Variants in RAD54B observed in about 807,000 individuals in gnomAD.
RAD54B encodes the protein RAD54 homolog B.
Under a neutral mutation model 95.8 loss-of-function variants are expected in RAD54B, and 78 were observed. The observed-to-expected ratio is 0.81, with a 90% CI of 0.68 to 0.98. The LOEUF is 0.98. Among genes scored for constraint, RAD54B ranks in the 50% least tolerant of loss-of-function variants. The pLI is 0.00. For missense variants in RAD54B, 957 were observed against 1,056.6 expected, an observed-to-expected ratio of 0.91 and a Z score of 1.31; for synonymous variants, 328 against 354.9, an observed-to-expected ratio of 0.92 and a Z score of 0.85.
intron 2 of RAD54B, among the ~76,000 whole-genome samples, chr8:94,466,654 G>A (rs925262876): frequency 1.3e-5 from 2 of 152,074 alleles, no homozygotes; most frequent in East Asian, 1.9e-4. Context: ...TGATCTGCCC[G>A]TCTCGGCCTC....
rs150699057 is a variant in RAD54B, at chr8:94,462,183, C to T, written c.136-3747G>A. Among the ~76,000 whole-genome samples, 451 of 152,288 alleles carry T rather than the reference C, an allele frequency of 3.0e-3. 1 individual carries two copies. The highest frequency in any genetic ancestry group is 7.5e-3 in the South Asian group (36 of 4,820). On this transcript the variant is annotated intron_variant, in intron 2 of 14. Transcript: ENST00000336148. ...TACAACAGTTCATCATATTAGGAGG[C>T]ACATAATATCGGTTTGTTCCATTAC... is the stretch of plus-strand genomic sequence containing the variant.
At chr8:94,399,740 T>G in intron 7 of RAD54B, 119 bp from the exon 8 acceptor site, 3 of 1,323,542 alleles carry the variant, frequency 2.3e-6, no homozygotes, top group Non-Finnish European at 3.0e-6. Context: ...TCTTTCTGTC[T>G]TAGTCAACTG....
At chr8:94,447,005 T>C (rs1159971883) in intron 3 of RAD54B, among the ~76,000 whole-genome samples, 1 of 150,932 alleles carries the variant, frequency 6.6e-6, no homozygotes, top group African/African-American at 2.4e-5. Context: ...CACATAAAAA[T>C]AGGGCAAAAA....
chr8:94,395,296 GGGAATAAT>G (rs1417412315), intron 8 of RAD54B, among the ~76,000 whole-genome samples: 2 of 152,108 alleles, frequency 1.3e-5, no homozygotes, highest in African/African-American at 4.8e-5. Flanking sequence ...TCAGGAGAAA[GGGAATAAT>G]GGAATCAGAA....
At chr8:94,430,163 A>G (rs1812052331) in intron 3 of RAD54B, 1 of 630,632 alleles carries the variant, frequency 1.6e-6, no homozygotes, top group Non-Finnish European at 2.0e-6. Context: ...AACACAAAAA[A>G]TTAGCCAGGC....
rs1812118847 is a variant in RAD54B at position 94,432,258 on chromosome 8, T to C, written c.305-20943A>G. 1.9e-6 allele frequency: 3 copies of C among 1,550,320 alleles called. No homozygotes were observed. In the South Asian group the frequency reaches 3.6e-5, roughly 18 times the overall value. On this transcript the variant is annotated intron_variant, in intron 3 of 14. Transcript: ENST00000336148. ...TCTTTTCAATCCATCCCTCTTCTCC[T>C]GAACATACAATCCAAAATTTTTTTG...
intron 3 of RAD54B, among the ~76,000 whole-genome samples, chr8:94,422,617 A>AAAAAAAAAAAAAAAAAAAAAAAAT (rs1554606249): frequency 2.3e-5 from 1 of 43,572 alleles, no homozygotes; most frequent in African/African-American, 1.0e-4. Flanking sequence ...AAAAAAAAAA[A>AAAAAAAAAAAAAAAAAAAAAAAAT]ATATATATAT....
intron 10 of RAD54B, among the ~76,000 whole-genome samples, chr8:94,391,002 ATGTTGGCACT>A: frequency 6.6e-6 from 1 of 152,292 alleles, no homozygotes; most frequent in South Asian, 2.1e-4. Context: ...CTGTGATGTC[ATGTTGGCACT>A]CAAAAAGTTT....
intron 3 of RAD54B, among the ~76,000 whole-genome samples, chr8:94,437,133 G>A (rs531413607): frequency 6.6e-6 from 1 of 152,286 alleles, no homozygotes; most frequent in South Asian, 2.1e-4. Flanking sequence ...TGTATAAAGG[G>A]AACAGCTCGA....
chr8:94,467,655 C>G, intron 1 of RAD54B, 100 bp from the exon 2 acceptor site: 2 of 1,208,688 alleles, frequency 1.7e-6, no homozygotes, highest in Non-Finnish European at 1.1e-6. Flanking sequence ...GAACAGAAAC[C>G]CCTCTTATGG....
intron 11 of RAD54B, among the ~76,000 whole-genome samples, chr8:94,385,200 C>G (rs185876282): frequency 6.6e-6 from 1 of 152,084 alleles, no homozygotes; most frequent in African/African-American, 2.4e-5. Flanking sequence ...TTCCTTCTTG[C>G]CACAAGAGGG....
At chr8:94,413,777 T>C (rs762171042) in intron 3 of RAD54B, among the ~76,000 whole-genome samples, 2 of 151,228 alleles carry the variant, frequency 1.3e-5, no homozygotes, top group Non-Finnish European at 2.9e-5. Context: ...TGGGGTAAAA[T>C]ATTCACAGCA....
intron 14 of RAD54B, chr8:94,372,862 G>C (rs935773748): frequency 6.6e-6 from 1 of 152,236 alleles, no homozygotes; most frequent in Non-Finnish European, 1.5e-5. Context: ...ATTTAGGTAA[G>C]GTTTTGCCAC....
chr8:94,473,357 C>A lies in RAD54B; in HGVS notation c.-17+1644G>T, dbSNP rs138309299. Among the ~76,000 whole-genome samples, 888 of 152,282 alleles carry A rather than the reference C, an allele frequency of 5.8e-3. 12 individuals are homozygous for A. The highest frequency in any genetic ancestry group is 0.02 in the African/African-American group (830 of 41,556). Reference sequence around the variant, plus strand: ...CACTACACTGTGGTAAATAAGAACACAACTTTGAAAGCAAATGCCTGAATA... The same window carrying A: ...CACTACACTGTGGTAAATAAGAACAAAACTTTGAAAGCAAATGCCTGAATA... On this transcript the variant is annotated intron_variant, in intron 1 of 14. Transcript: ENST00000336148.
intron 8 of RAD54B, among the ~76,000 whole-genome samples, chr8:94,396,531 A>G (rs1811150835): frequency 6.6e-6 from 1 of 151,980 alleles, no homozygotes; most frequent in South Asian, 2.1e-4. Flanking sequence ...TTTTATACAC[A>G]TTTATATTTT....
chr8:94,378,048 T>C, intron 14 of RAD54B, 132 bp downstream of exon 14: 1 of 588,184 alleles, frequency 1.7e-6, no homozygotes, highest in Non-Finnish European at 2.8e-6. Context: ...AGCTGCCCTA[T>C]GAGCTGAGAA....
rs1267495961 is a variant in RAD54B, at chr8:94,400,434, G to A, written c.974C>T (p.Ala325Val). ...RMNGRCGAILADEMGLGKTLQ... is the reference protein window; with the variant it reads ...RMNGRCGAILVDEMGLGKTLQ... ...TGTCTTCCCTAAACCCATTTCATCA[G>A]CAAGAATAGCTCCACATCTGCCATT... is the stretch of plus-strand genomic sequence containing the variant. Residue 325 changes from alanine (A) to valine (V), a missense_variant, in exon 7 of 15, where the codon GCT (alanine) becomes GTT (valine). Coordinates refer to ENST00000336148, the MANE Select transcript of RAD54B (RefSeq NM_012415.3). 6.2e-7 allele frequency: 1 copy of A among 1,612,334 alleles called. No homozygotes were observed. Among genetic ancestry groups the A allele is most frequent in the Admixed American group, 1.7e-5 (1 of 59,828 alleles).
intron 1 of RAD54B, 58 bp from the exon 2 acceptor site, chr8:94,467,613 T>C: frequency 6.7e-7 from 1 of 1,492,960 alleles, no homozygotes; most frequent in South Asian, 1.3e-5. Context: ...CACCCCCAAA[T>C]ATAAAAATAG....
At chr8:94,448,065 T>G (rs1812562838) in intron 3 of RAD54B, among the ~76,000 whole-genome samples, 1 of 152,234 alleles carries the variant, frequency 6.6e-6, no homozygotes, top group South Asian at 2.1e-4. Context: ...TTTTCTTCTT[T>G]GCCTATGTTA....
Sources: gnomAD v4.1 joint callset for allele counts (sites outside exome capture counted in the v4.1 genomes callset) on GRCh38, gnomAD v4.1.1 for gene constraint, MANE v1.5 for transcripts, NCBI Gene and HGNC (gene_info 2026-07-23, HGNC 2026-07-21) for gene names.